The following EPHX2 variants were observed in gnomAD, a reference collection of about 807,000 sequenced individuals.
The protein encoded by EPHX2 is epoxide hydrolase 2, also known as bifunctional epoxide hydrolase 2.
In EPHX2, 74 loss-of-function variants were observed where a neutral mutation model predicts 78.7. The ratio of observed to expected loss-of-function variants is 0.94; its 90% CI spans 0.78 to 1.14. EPHX2 has a LOEUF of 1.14. Ranked by LOEUF, EPHX2 falls within the 50% of genes most tolerant of loss-of-function variation. EPHX2 has a pLI of 0.00. For synonymous variants in EPHX2, 251 were observed against 255.2 expected (o/e 0.98, Z 0.16); for missense variants, 715 against 702.5 (o/e 1.02, Z -0.20).
intron 6 of EPHX2, among the ~76,000 whole-genome samples, chr8:27,512,643 T>C (rs1482472442): frequency 6.6e-6 from 1 of 152,224 alleles, no homozygotes; most frequent in Non-Finnish European, 1.5e-5. Context: ...GGATCTTTCC[T>C]CATTTGTCAT....
chr8:27,547,385 G>A (rs977452397), downstream of EPHX2, among the ~76,000 whole-genome samples: 1 of 152,170 alleles, frequency 6.6e-6, no homozygotes, highest in Non-Finnish European at 1.5e-5. Context: ...GGCAAGGAGT[G>A]TGTTCAAAAT....
intron 12 of EPHX2, among the ~76,000 whole-genome samples, chr8:27,532,659 G>T (rs746488901): frequency 1.3e-5 from 2 of 152,008 alleles, no homozygotes; most frequent in Admixed American, 6.6e-5. Context: ...GACACATCAC[G>T]CCCGTCCCTG....
downstream of EPHX2, among the ~76,000 whole-genome samples, chr8:27,547,619 C>A (rs924547578): frequency 6.6e-6 from 1 of 152,160 alleles, no homozygotes; most frequent in East Asian, 1.9e-4. Flanking sequence ...TGACTGTAGT[C>A]ATTGCTCAGT....
At chr8:27,525,249 G>A (rs1235652500) in intron 11 of EPHX2, 113 bp from the exon 12 acceptor site, 11 of 865,044 alleles carry the variant, frequency 1.3e-5, no homozygotes, top group Non-Finnish European at 1.9e-5. Flanking sequence ...GTATGACCTT[G>A]TGCATAGAAT....
chr8:27,546,112 G>A (rs1458353622), downstream of EPHX2, among the ~76,000 whole-genome samples: 1 of 144,118 alleles, frequency 6.9e-6, no homozygotes, highest in East Asian at 2.0e-4. Flanking sequence ...CTGGGCAACA[G>A]ATTGAGACTC....
intron 2 of EPHX2, among the ~76,000 whole-genome samples, chr8:27,501,668 G>C (rs185452836): frequency 3.3e-4 from 50 of 151,998 alleles, no homozygotes; most frequent in African/African-American, 1.1e-3. Flanking sequence ...CCACCTTGGT[G>C]TTCCAAAGTG....
intron 12 of EPHX2, among the ~76,000 whole-genome samples, chr8:27,532,173 G>A (rs1476651454): frequency 3.9e-5 from 6 of 151,934 alleles, no homozygotes; most frequent in Non-Finnish European, 8.8e-5. Context: ...CTGAGCCCAG[G>A]GTAATGAAGA....
intron 14 of EPHX2, among the ~76,000 whole-genome samples, chr8:27,540,219 G>A (rs1020933662): frequency 2.0e-5 from 3 of 152,222 alleles, no homozygotes; most frequent in Non-Finnish European, 4.4e-5. Context: ...TAGACGAGGG[G>A]AGAGCAGGAG....
chr8:27,496,111 CT>C (rs1158469545), intron 1 of EPHX2, among the ~76,000 whole-genome samples: 9 of 152,316 alleles, frequency 5.9e-5, no homozygotes, highest in Admixed American at 5.9e-4. Context: ...TCATTCTTTG[CT>C]TAGAGCCCTG....
chr8:27,544,252 G>T lies in EPHX2; in HGVS notation c.1589+8G>T. 1 of 1,614,210 alleles carries T rather than the reference G, an allele frequency of 6.2e-7. No homozygotes were observed. Among genetic ancestry groups the T allele is most frequent in the Non-Finnish European group, 8.5e-7 (1 of 1,180,038 alleles). On this transcript the variant is annotated splice_region_variant and intron_variant, in intron 18 of 18. Coordinates refer to ENST00000521400, the MANE Select transcript of EPHX2 (RefSeq NM_001979.6). Reference sequence around the variant, plus strand: ...CTGGACACAGATGGACAAGTAAGGAGGTTGGGGGCTCCTGGGGTCGGGGAG... The same window carrying T: ...CTGGACACAGATGGACAAGTAAGGATGTTGGGGGCTCCTGGGGTCGGGGAG...
intron 1 of EPHX2, among the ~76,000 whole-genome samples, chr8:27,500,402 A>G (rs72473998): frequency 2.0e-5 from 3 of 152,270 alleles, no homozygotes; most frequent in Non-Finnish European, 2.9e-5. Flanking sequence ...TTTTCTTTAT[A>G]AATTACCCGA....
In EPHX2 at chr8:27,543,764, C is replaced by T. The variant is rs372981443; in HGVS notation, c.1465C>T (p.Leu489=). 24 of 1,613,972 alleles carry T rather than the reference C, an allele frequency of 1.5e-5. No individual in the cohort carries two copies. The highest frequency in any genetic ancestry group is 2.0e-5 in the Non-Finnish European group (24 of 1,180,020). The change falls in exon 17 of 19, where the codon CTG becomes TTG. Residue 489 remains leucine, a synonymous_variant. Transcript: ENST00000521400. The part of the protein sequence containing the change: ...SLGRKILIPA[L]MVTAEKDFVL... Reference sequence around the variant, plus strand: ...CTCCCCCCAGATCCTGATTCCGGCCCTGATGGTCACGGCGGAGAAGGACTT... The same window carrying T: ...CTCCCCCCAGATCCTGATTCCGGCCTTGATGGTCACGGCGGAGAAGGACTT...
At chr8:27,526,257 C>T (rs1250247439) in intron 12 of EPHX2, among the ~76,000 whole-genome samples, 2 of 152,240 alleles carry the variant, frequency 1.3e-5, no homozygotes, top group African/African-American at 4.8e-5. Context: ...CAACGAGTAA[C>T]TGTTCTCCAA....
intron 2 of EPHX2, among the ~76,000 whole-genome samples, chr8:27,501,366 CTT>C (rs1563340231): frequency 1.1e-4 from 14 of 131,286 alleles, no homozygotes; most frequent in Non-Finnish European, 1.6e-4. Context: ...TCTTCTTCTT[CTT>C]CTTCTTCTTC....
chr8:27,525,103 TGTGTGCGCGCGC>T lies in EPHX2; in HGVS notation c.1059-257_1059-246del, dbSNP rs1352804836. Among the ~76,000 whole-genome samples the T allele has an allele frequency of 5.9e-4, 77 of 131,458 alleles. No individual in the cohort carries two copies. The Middle Eastern group carries it at 0.012, about 20-fold the overall frequency. 86.2% of individuals were successfully genotyped at this position (131,458 alleles called of 152,430 possible). A position where few individuals can be genotyped will look rare whatever the true frequency, so the allele number is the denominator to read the frequency against. On this transcript the variant is annotated intron_variant, in intron 11 of 18. Coordinates refer to ENST00000521400, the MANE Select transcript of EPHX2 (RefSeq NM_001979.6). ...GTGTGTGTGTGTGTGTGTGTGTGTG[TGTGTGCGCGCGC>T]GCGCGCGCACCTATGTGTCTAAGGC...
At chr8:27,547,450 A>G (rs1221239693), downstream of EPHX2, among the ~76,000 whole-genome samples, 1 of 152,250 alleles carries the variant, frequency 6.6e-6, no homozygotes, top group African/African-American at 2.4e-5. Context: ...TAATTAACAT[A>G]CTAGTACATA....
intron 12 of EPHX2, among the ~76,000 whole-genome samples, chr8:27,527,785 G>A (rs1033370501): frequency 2.0e-5 from 3 of 152,100 alleles, no homozygotes; most frequent in Non-Finnish European, 2.9e-5. Flanking sequence ...TCTTAATCTG[G>A]TCATCTGTCA....
At chr8:27,492,600 A>G (rs1262617997) in intron 1 of EPHX2, among the ~76,000 whole-genome samples, 2 of 152,228 alleles carry the variant, frequency 1.3e-5, no homozygotes, top group African/African-American at 4.8e-5. Context: ...GAACAGCGAA[A>G]GCACAAAGCT....
chr8:27,543,960 A>G (rs969839989), intron 17 of EPHX2, 131 bp downstream of exon 17: 17 of 1,019,338 alleles, frequency 1.7e-5, no homozygotes, highest in East Asian at 2.5e-5. Flanking sequence ...CATCATCAGT[A>G]ACATCACTGT....
Sources: gnomAD v4.1 joint callset for allele counts (sites outside exome capture counted in the v4.1 genomes callset) on GRCh38, gnomAD v4.1.1 for gene constraint, MANE v1.5 for transcripts, NCBI Gene and HGNC (gene_info 2026-07-23, HGNC 2026-07-21) for gene names.